Variants in VTI1B observed in about 807,000 individuals in gnomAD.
The protein encoded by VTI1B is vesicle transport through interaction with t-SNAREs 1B, also known as vesicle transport through interaction with t-SNAREs homolog 1B.
Under a neutral mutation model 28.6 loss-of-function variants are expected in VTI1B, and 18 were observed. That is an observed-to-expected ratio of 0.63 (90% CI 0.43 to 0.93). The LOEUF is 0.93. Among genes scored for constraint, VTI1B ranks in the 40% least tolerant of loss-of-function variants. The pLI, the probability that VTI1B is intolerant of heterozygous loss-of-function variation, is 0.00. For synonymous variants in VTI1B, 100 were observed against 107.9 expected (o/e 0.93, Z 0.46); for missense variants, 283 against 297.0 (o/e 0.95, Z 0.35).
In VTI1B at chr14:67,651,630, C is replaced by CTTTAGCTGT; in HGVS notation, c.603-158_603-150dup. The CTTTAGCTGT allele has an allele frequency of 1.0e-5, 8 of 775,654 alleles. No individual in the cohort carries two copies. The South Asian group carries it at 1.4e-4, about 13-fold the overall frequency. The allele number at this position is 775,654 out of a possible 1,614,324, so 48.0% of individuals were successfully genotyped here. On this transcript the variant is annotated intron_variant, in intron 5 of 5. Transcript: ENST00000554659. ...CTTAGCAGGAAGTACTCATAAGGTT[C>CTTTAGCTGT]TTTAGCTGTCACTTAGGGATAACAC...
At chr14:67,656,349 G>A (rs541332132) in intron 4 of VTI1B, 67 bp downstream of exon 4, 38 of 1,430,082 alleles carry the variant, frequency 2.7e-5, no homozygotes, top group South Asian at 7.2e-5. Flanking sequence ...GCCTTAGTAC[G>A]GTTTCCAGGT....
At position 67,674,592 on chromosome 14, in the gene VTI1B, C is replaced by T. The variant is rs2037511427; in HGVS notation, c.-103G>A. The T allele has an allele frequency of 1.0e-5, 9 of 894,976 alleles. No homozygotes were observed. Among genetic ancestry groups the T allele is most frequent in the Non-Finnish European group, 1.4e-5 (9 of 639,374 alleles). The allele number at this position is 894,976 out of a possible 1,614,324, so 55.4% of individuals were successfully genotyped here. On this transcript the variant is annotated 5_prime_UTR_variant, in exon 1 of 6. Transcript: ENST00000554659. The stretch of plus-strand genomic sequence containing the variant: ...AGCCCAGTGGCCATAACGGCGACCG[C>T]CGCACCACCGCCGCCCAGGACGAGG...
intron 5 of VTI1B, 143 bp from the exon 6 acceptor site, chr14:67,651,624 A>G (rs2037178620): frequency 2.3e-6 from 2 of 859,594 alleles, no homozygotes; most frequent in South Asian, 3.7e-5. Flanking sequence ...AAGTACTCAT[A>G]AGGTTCTTTA....
intron 3 of VTI1B, chr14:67,657,361 C>G (rs917751520): frequency 6.6e-6 from 1 of 152,228 alleles, no homozygotes. Context: ...GCCTGCCACA[C>G]TGGGGGTGAT....
chr14:67,655,498 A>T (rs2037244036), intron 4 of VTI1B, among the ~76,000 whole-genome samples: 1 of 152,058 alleles, frequency 6.6e-6, no homozygotes, highest in Non-Finnish European at 1.5e-5. Context: ...ACCTTACTGG[A>T]TAATCCTTAG....
Position 67,651,039 on chromosome 14 carries a change from C to T in VTI1B, c.*346G>A. On this transcript the variant is annotated 3_prime_UTR_variant, in exon 6 of 6. Coordinates refer to ENST00000554659, the MANE Select transcript of VTI1B (RefSeq NM_006370.3). Reference sequence around the variant, plus strand: ...TACTGCCTTAATGAGAACATTTACACATTCTCACAATTGTAAAGTTTCCCC... The same window carrying T: ...TACTGCCTTAATGAGAACATTTACATATTCTCACAATTGTAAAGTTTCCCC... The T allele has an allele frequency of 2.7e-6, 3 of 1,119,684 alleles. No individual in the cohort carries two copies. Among genetic ancestry groups the T allele is most frequent in the Non-Finnish European group, 3.8e-6 (3 of 780,254 alleles). 69.4% of individuals were successfully genotyped at this position (1,119,684 alleles called of 1,614,324 possible).
chr14:67,654,174 G>A (rs1189621350), intron 4 of VTI1B, among the ~76,000 whole-genome samples: 1 of 152,106 alleles, frequency 6.6e-6, no homozygotes, highest in Non-Finnish European at 1.5e-5. Context: ...TGCTGCAATC[G>A]CAGCTCACTG....
At chr14:67,667,565 G>C (rs1166823355) in intron 1 of VTI1B, among the ~76,000 whole-genome samples, 1 of 152,092 alleles carries the variant, frequency 6.6e-6, no homozygotes, top group Non-Finnish European at 1.5e-5. Flanking sequence ...ATATAATAAG[G>C]GCTCAATAAA....
intron 1 of VTI1B, among the ~76,000 whole-genome samples, chr14:67,665,562 T>C (rs139903293): frequency 4.6e-5 from 7 of 152,282 alleles, no homozygotes; most frequent in Non-Finnish European, 1.0e-4. Flanking sequence ...CCACCACACC[T>C]GTCCTTGTAT....
At chr14:67,655,028 CAAAAAAAAA>C (rs34482334) in intron 4 of VTI1B, among the ~76,000 whole-genome samples, 5 of 43,504 alleles carry the variant, frequency 1.1e-4, no homozygotes, top group Non-Finnish European at 1.9e-4. Flanking sequence ...GACTCCATCT[CAAAAAAAAA>C]AAAAAAAAAA....
At chr14:67,668,651 G>C (rs2037430708) in intron 1 of VTI1B, among the ~76,000 whole-genome samples, 1 of 119,154 alleles carries the variant, frequency 8.4e-6, no homozygotes, top group African/African-American at 2.5e-5. Flanking sequence ...TGGTACTTAG[G>C]AAACACAGTG....
intron 4 of VTI1B, among the ~76,000 whole-genome samples, chr14:67,654,230 AG>A (rs1555383208): frequency 6.6e-6 from 1 of 152,184 alleles, no homozygotes; most frequent in Non-Finnish European, 1.5e-5. Flanking sequence ...CATGTCCCCA[AG>A]TAGCTGGGAT....
At chr14:67,655,028 C>CAAA (rs34482334) in intron 4 of VTI1B, among the ~76,000 whole-genome samples, 3,379 of 43,278 alleles carry the variant, frequency 0.078, 311 homozygotes, top group Middle Eastern at 0.11. Flanking sequence ...GACTCCATCT[C>CAAA]AAAAAAAAAA....
At chr14:67,672,897 C>G (rs556334251) in intron 1 of VTI1B, among the ~76,000 whole-genome samples, 14 of 152,340 alleles carry the variant, frequency 9.2e-5, no homozygotes, top group African/African-American at 3.4e-4. Flanking sequence ...CTCTCCTTTG[C>G]TCACTCCATC....
intron 1 of VTI1B, among the ~76,000 whole-genome samples, chr14:67,667,804 C>T (rs189979048): frequency 1.1e-3 from 165 of 152,124 alleles, no homozygotes; most frequent in African/African-American, 3.8e-3. Context: ...CTTAGCCCGG[C>T]GTGGTGGTGG....
At position 67,656,444 on chromosome 14, in the gene VTI1B, CGTT is replaced by C; in HGVS notation, c.509_511del (p.Gln170del). ...ACTCTTGGTACGTTCTAACTGGTCT[CGTT>C]GTTCCCCCAGCTCTTCTATGATTTC... On this transcript the variant is annotated inframe_deletion, in exon 4 of 6. Transcript: ENST00000554659. The C allele has an allele frequency of 6.2e-7, 1 of 1,613,402 alleles. No individual in the cohort carries two copies. Among genetic ancestry groups the C allele is most frequent in the Non-Finnish European group, 8.5e-7 (1 of 1,179,658 alleles).
At chr14:67,670,070 G>A (rs2037447782) in intron 1 of VTI1B, among the ~76,000 whole-genome samples, 1 of 152,200 alleles carries the variant, frequency 6.6e-6, no homozygotes, top group African/African-American at 2.4e-5. Flanking sequence ...ACTCCAGCCT[G>A]GATGACGGGA....
At position 67,664,622 on chromosome 14, in the gene VTI1B, G is replaced by T. The variant is rs866773839; in HGVS notation, c.116-2087C>A. ...AGCGATTCTCTTGCCTCAGCCTCCC[G>T]AGCAGCTGGGGTTACAGGCACCCAC... On this transcript the variant is annotated intron_variant, in intron 1 of 5. Coordinates refer to ENST00000554659, the MANE Select transcript of VTI1B (RefSeq NM_006370.3). Among the ~76,000 whole-genome samples, 8 of 151,450 alleles carry T rather than the reference G, an allele frequency of 5.3e-5. No homozygotes were observed. The East Asian group carries it at 1.6e-3, about 29-fold the overall frequency.
In VTI1B at chr14:67,650,467, G is replaced by T. The variant is rs182321313; in HGVS notation, c.*918C>A. 1,308 of 503,110 alleles carry T rather than the reference G, an allele frequency of 2.6e-3. 5 individuals are homozygous for T. The highest frequency in any genetic ancestry group is 3.7e-3 in the Non-Finnish European group (1,050 of 280,152). 31.2% of individuals were successfully genotyped at this position (503,110 alleles called of 1,614,324 possible). Reference sequence around the variant, plus strand: ...CCTGACAATTATGCCTGTTATGTTAGTTGAACAGGGATGGTTTATTTCATT... The same window carrying T: ...CCTGACAATTATGCCTGTTATGTTATTTGAACAGGGATGGTTTATTTCATT... On this transcript the variant is annotated 3_prime_UTR_variant, in exon 6 of 6. Transcript: ENST00000554659.
Sources: allele counts gnomAD v4.1 joint callset (sites outside exome capture counted in the v4.1 genomes callset), GRCh38; gene constraint gnomAD v4.1.1; transcripts MANE v1.5; gene names NCBI Gene and HGNC (gene_info 2026-07-23, HGNC 2026-07-21).